ETV6: variants seen among roughly 807,000 people sequenced by gnomAD.
ETV6 encodes transcription factor ETV6.
In ETV6, 16 loss-of-function variants were observed where a neutral mutation model predicts 51.1. That is an observed-to-expected ratio of 0.31 (90% CI 0.21 to 0.48). ETV6 has a LOEUF of 0.48. Among genes scored for constraint, ETV6 ranks in the 20% least tolerant of loss-of-function variants. ETV6 has a pLI of 0.99. For missense variants in ETV6, 458 were observed against 594.8 expected, an observed-to-expected ratio of 0.77 and a Z score of 2.39; for synonymous variants, 240 against 224.1, an observed-to-expected ratio of 1.07 and a Z score of -0.64.
chr12:11,782,382 GT>G (rs1178586320), intron 2 of ETV6, among the ~76,000 whole-genome samples: 1 of 152,038 alleles, frequency 6.6e-6, no homozygotes, highest in Admixed American at 6.5e-5. Flanking sequence ...AAGACTTTTT[GT>G]TTTTGTCTGA....
At chr12:11,752,699 G>T in intron 2 of ETV6, 120 bp downstream of exon 2, 1 of 1,322,574 alleles carries the variant, frequency 7.6e-7, no homozygotes. Flanking sequence ...ACTTCGCCAC[G>T]CTGCTTTGGA....
intron 2 of ETV6, among the ~76,000 whole-genome samples, chr12:11,797,290 C>T (rs562046372): frequency 1.7e-5 from 2 of 120,442 alleles, no homozygotes; most frequent in South Asian, 4.6e-4. Flanking sequence ...GTTCCAAAAC[C>T]TCGGCTGTAC....
intron 2 of ETV6, among the ~76,000 whole-genome samples, chr12:11,779,815 A>T (rs774309173): frequency 2.0e-5 from 3 of 152,244 alleles, no homozygotes; most frequent in Non-Finnish European, 2.9e-5. Context: ...TGTTCAGTGC[A>T]TGATGAGAAT....
intron 1 of ETV6, chr12:11,716,563 CCTTT>C (rs1865284818): frequency 6.6e-6 from 1 of 152,080 alleles, no homozygotes; most frequent in South Asian, 2.1e-4. Context: ...AGGATTAGTT[CCTTT>C]CTTCTGCCCT....
At chr12:11,767,730 G>A (rs1945183327) in intron 2 of ETV6, among the ~76,000 whole-genome samples, 1 of 152,200 alleles carries the variant, frequency 6.6e-6, no homozygotes, top group South Asian at 2.1e-4. Context: ...TTTAGCAGCT[G>A]TTTATAGGAT....
At chr12:11,848,567 T>C (rs1946499689) in intron 3 of ETV6, among the ~76,000 whole-genome samples, 1 of 152,266 alleles carries the variant, frequency 6.6e-6, no homozygotes, top group African/African-American at 2.4e-5. Context: ...TGGCTTTTCA[T>C]GTAAAGATCA....
At chr12:11,870,024 A>C (rs1370002394) in intron 5 of ETV6, 55 bp downstream of exon 5, 4 of 1,533,570 alleles carry the variant, frequency 2.6e-6, no homozygotes, top group Non-Finnish European at 3.5e-6. Context: ...ACAAAGTCCC[A>C]CTCTCCCCTG....
intron 1 of ETV6, among the ~76,000 whole-genome samples, chr12:11,727,939 C>T (rs1865521153): frequency 6.6e-6 from 1 of 152,204 alleles, no homozygotes; most frequent in Non-Finnish European, 1.5e-5. Context: ...CCTGCCTCAG[C>T]CTCCCGAGTA....
chr12:11,694,770 T>C (rs1864842717), intron 1 of ETV6, among the ~76,000 whole-genome samples: 1 of 152,240 alleles, frequency 6.6e-6, no homozygotes, highest in Admixed American at 6.5e-5. Flanking sequence ...TCTCTCTCTT[T>C]AGAAGACATG....
At chr12:11,702,792 T>C (rs990334539) in intron 1 of ETV6, among the ~76,000 whole-genome samples, 5 of 152,234 alleles carry the variant, frequency 3.3e-5, no homozygotes, top group African/African-American at 1.2e-4. Flanking sequence ...CTTTGGAAAA[T>C]TAGAAGAAAA....
rs372140891 is a variant in ETV6, at chr12:11,869,464, T to C, written c.504T>C (p.Asn168=). 1.1e-5 allele frequency: 18 copies of C among 1,613,878 alleles called. No individual in the cohort carries two copies. The highest frequency in any genetic ancestry group is 4.5e-5 in the East Asian group (2 of 44,858). Residue 168 remains asparagine, a synonymous_variant, in exon 5 of 8, where the codon AAT becomes AAC. Transcript: ENST00000396373. The surrounding 1 kb of genome is among the most constrained non-coding windows in gnomAD (Gnocchi z 5.0). ...VQRTPRPSVD[N]VHHNPPTIEL... ...GGACCCCCAGGCCATCCGTGGATAA[T>C]GTGCACCATAACCCTCCCACCATTG...
chr12:11,808,936 G>A (rs1390222855), intron 2 of ETV6, among the ~76,000 whole-genome samples: 1 of 152,150 alleles, frequency 6.6e-6, no homozygotes, highest in Admixed American at 6.5e-5. Flanking sequence ...GGCCAAGGTG[G>A]GCAGATCACT....
intron 1 of ETV6, among the ~76,000 whole-genome samples, chr12:11,696,207 A>T (rs1864875679): frequency 6.6e-6 from 1 of 152,062 alleles, no homozygotes; most frequent in Non-Finnish European, 1.5e-5. Flanking sequence ...TCAGTCTCTG[A>T]TATTGATTTT....
rs1866055526 is a variant in ETV6 at position 11,752,574 on chromosome 12, A to G, written c.158A>G (p.His53Arg). 12 of 1,611,882 alleles carry G rather than the reference A, an allele frequency of 7.4e-6. No homozygotes were observed. The highest frequency in any genetic ancestry group is 1.0e-5 in the Non-Finnish European group (12 of 1,179,644). Residue 53 changes from histidine to arginine, a missense_variant, in exon 2 of 8, where the codon CAC (histidine) becomes CGC (arginine). Around this residue, in one of 4 missense-constraint regions of ETV6, gnomAD observed 84 missense variants for 75.9 expected, o/e 1.11. Coordinates refer to ENST00000396373, the MANE Select transcript of ETV6 (RefSeq NM_001987.5). ...GAAGACTCGATCCGCCTGCCTGCGC[A>G]CCTGCGTGAGTGTTCGTGACCCGAG... ...MEEDSIRLPA[H>R]LRLQPIYWSR...
intron 1 of ETV6, among the ~76,000 whole-genome samples, chr12:11,658,316 A>C (rs766499126): frequency 2.6e-5 from 4 of 151,946 alleles, no homozygotes; most frequent in Non-Finnish European, 5.9e-5. Flanking sequence ...GCTCACTGCA[A>C]CCTCTGCCTC....
At chr12:11,708,652 C>T (rs1474704543) in intron 1 of ETV6, among the ~76,000 whole-genome samples, 3 of 152,154 alleles carry the variant, frequency 2.0e-5, no homozygotes, top group Non-Finnish European at 4.4e-5. Context: ...ATTCAGGAAT[C>T]GTATATGTAC....
chr12:11,680,825 G>A (rs887797485), intron 1 of ETV6, among the ~76,000 whole-genome samples: 1 of 152,198 alleles, frequency 6.6e-6, no homozygotes, highest in South Asian at 2.1e-4. Context: ...AAGGCTGAGA[G>A]TGGCTCATTC....
intron 1 of ETV6, among the ~76,000 whole-genome samples, chr12:11,722,454 G>A (rs937307049): frequency 6.6e-6 from 1 of 152,202 alleles, no homozygotes; most frequent in Non-Finnish European, 1.5e-5. Context: ...CACACTGGAA[G>A]CAAAGCTTTC....
intron 2 of ETV6, among the ~76,000 whole-genome samples, chr12:11,758,634 C>A (rs1409010225): frequency 6.6e-6 from 1 of 152,192 alleles, no homozygotes; most frequent in Non-Finnish European, 1.5e-5. Flanking sequence ...TCGCCTGAAT[C>A]TGTGAATCTC....
Sources: gnomAD v4.1 joint callset for allele counts (sites outside exome capture counted in the v4.1 genomes callset) on GRCh38, gnomAD v4.1.1 for gene constraint, gnomAD v4.1.1 regional missense constraint, Gnocchi (gnomAD v3.1) non-coding constraint, MANE v1.5 for transcripts, NCBI Gene and HGNC (gene_info 2026-07-23, HGNC 2026-07-21) for gene names.